Variants in GTPBP6 observed in about 807,000 individuals in gnomAD.
The protein encoded by GTPBP6 is putative GTP-binding protein 6.
In GTPBP6, 33 loss-of-function variants were observed where a neutral mutation model predicts 28.9. The observed-to-expected ratio is 1.14, with a 90% confidence interval of 0.87 to 1.53. The LOEUF is 1.53. GTPBP6 is among the 40% of genes most tolerant of loss of function. The pLI is 0.00. For synonymous variants in GTPBP6, 231 were observed against 192.7 expected, an observed-to-expected ratio of 1.20 and a Z score of -1.65; for missense variants, 507 against 408.3, an observed-to-expected ratio of 1.24 and a Z score of -2.08.
chrX:317,556 G>GGGCGGT (rs2070459893), intron 1 of GTPBP6, among the ~76,000 whole-genome samples: 3 of 85,114 alleles, frequency 3.5e-5, no homozygotes, highest in Non-Finnish European at 2.1e-5. Context: ...ATTTCCTCCT[G>GGGCGGT]GGGGGTGGGG....
intron 8 of GTPBP6, 52 bp from the exon 9 acceptor site, chrX:307,564 G>A (rs1268113949): frequency 1.1e-4 from 177 of 1,583,206 alleles, no homozygotes; most frequent in Middle Eastern, 2.3e-4. Context: ...GCGGCCGGAC[G>A]AAATCAGGGT....
At chrX:316,743 G>A (rs1178367184) in intron 2 of GTPBP6, among the ~76,000 whole-genome samples, 171 bp downstream of exon 2, 1 of 152,036 alleles carries the variant, frequency 6.6e-6, no homozygotes, top group Non-Finnish European at 1.5e-5. Context: ...AAGCCTCACC[G>A]TCCTCCGACT....
chrX:314,071 T>C (rs1366961819), intron 5 of GTPBP6, 79 bp downstream of exon 5: 11 of 1,119,554 alleles, frequency 9.8e-6, no homozygotes, highest in Non-Finnish European at 1.4e-5. Flanking sequence ...GTTGGAATCT[T>C]CCAGGGCTGA....
chrX:312,036 G>T (rs942396641), intron 6 of GTPBP6: 1 of 467,174 alleles, frequency 2.1e-6, no homozygotes, highest in African/African-American at 2.0e-5. Flanking sequence ...AGATACGGCA[G>T]TGGTGCCGGT....
rs1337770355 is a variant in GTPBP6, at chrX:305,657, G to A, written c.1428-460C>T. On this transcript the variant is annotated intron_variant, in intron 9 of 9. Transcript: ENST00000326153. ...ATTTTTTTTTTTGAGACAGAGTCTC[G>A]CTCTGTCGCCAGGCTGGGGTGCAGT... Among the ~76,000 whole-genome samples, 2 of 139,280 alleles carry A rather than the reference G, an allele frequency of 1.4e-5. 1 individual carries two copies. The highest frequency in any genetic ancestry group is 1.4e-4 in the Admixed American group (2 of 14,030). 91.4% of individuals were successfully genotyped at this position (139,280 alleles called of 152,430 possible). A position where few individuals can be genotyped will look rare whatever the true frequency, so the allele number is the denominator to read the frequency against.
At chrX:313,348 G>A (rs2070354204) in intron 5 of GTPBP6, among the ~76,000 whole-genome samples, 1 of 152,128 alleles carries the variant, frequency 6.6e-6, no homozygotes, top group Non-Finnish European at 1.5e-5. Flanking sequence ...GGTTAGGGTG[G>A]GCCCTAAGGC....
At chrX:309,191 T>C (rs1416939037) in intron 7 of GTPBP6, among the ~76,000 whole-genome samples, 8 of 152,290 alleles carry the variant, frequency 5.3e-5, no homozygotes, top group Middle Eastern at 3.4e-3. Flanking sequence ...TCTCACACCT[T>C]GTTTTCCTGC....
intron 2 of GTPBP6, among the ~76,000 whole-genome samples, chrX:316,340 G>GACACACACACAC (rs1168593634): frequency 0.073 from 6,944 of 94,698 alleles, 423 homozygotes; most frequent in Middle Eastern, 0.15. Context: ...TCCCATTGGG[G>GACACACACACAC]ACACACACAC....
At chrX:314,194 G>C (rs1311379382) in exon 5 of GTPBP6, 1 of 1,613,484 alleles carries the variant, frequency 6.2e-7, no homozygotes, top group Non-Finnish European at 8.5e-7. Context: ...GTACAGGTGG[G>C]CGACGTCCCT....
At chrX:316,558 A>T (rs2070444500) in intron 2 of GTPBP6, among the ~76,000 whole-genome samples, 1 of 152,086 alleles carries the variant, frequency 6.6e-6, no homozygotes, top group African/African-American at 2.4e-5. Flanking sequence ...ACCCTAAGAG[A>T]CTGCTGGTGG....
chrX:314,113 G>C (rs62580116), intron 5 of GTPBP6, 37 bp downstream of exon 5: 10 of 1,523,960 alleles, frequency 6.6e-6, no homozygotes, highest in Middle Eastern at 1.8e-4. Flanking sequence ...ACCGCATTCC[G>C]AGGACCCTCT....
In GTPBP6 at chrX:311,636, G is replaced by T. The variant is rs1018512423; in HGVS notation, c.917-9C>A. 1 of 1,607,542 alleles carries T rather than the reference G, an allele frequency of 6.2e-7. No homozygotes were observed. Among genetic ancestry groups the T allele is most frequent in the African/African-American group, 1.3e-5 (1 of 74,794 alleles). On this transcript the variant is annotated splice_polypyrimidine_tract_variant and intron_variant, in intron 6 of 9. Transcript: ENST00000326153. ...GATCAGCGTGGTCTTTCCTAGGAGG[G>T]CGTGGAGGTCAGGGCGCTGCAGAGA... is the stretch of plus-strand genomic sequence containing the variant.
intron 6 of GTPBP6, chrX:312,447 A>G (rs1031053575): frequency 5.3e-6 from 3 of 569,924 alleles, no homozygotes; most frequent in Admixed American, 4.4e-5. Flanking sequence ...TCTAGACAGG[A>G]GGATGGTGTA....
intron 6 of GTPBP6, chrX:311,833 GGCC>G (rs1170044920): frequency 1.6e-6 from 1 of 609,854 alleles, no homozygotes; most frequent in Admixed American, 2.8e-5. Flanking sequence ...GATGGAGCGG[GGCC>G]GCCGTGCGGA....
intron 2 of GTPBP6, among the ~76,000 whole-genome samples, chrX:316,497 A>T (rs1319013298): frequency 6.6e-6 from 1 of 152,142 alleles, no homozygotes; most frequent in African/African-American, 2.4e-5. Flanking sequence ...ACTCTACTGG[A>T]AGCGGGATGG....
intron 6 of GTPBP6, chrX:311,895 G>A (rs1005893005): frequency 3.2e-5 from 19 of 601,926 alleles, no homozygotes; most frequent in Non-Finnish European, 5.6e-5. Flanking sequence ...AGGCGTGGAT[G>A]GGAGTGAGGT....
chrX:307,612 C>T, intron 8 of GTPBP6, 100 bp from the exon 9 acceptor site: 1 of 1,450,398 alleles, frequency 6.9e-7, no homozygotes, highest in Middle Eastern at 2.5e-4. Context: ...CAGTCTGGGG[C>T]CACTCCCTGT....
At position 305,237 on chromosome X, in the gene GTPBP6, C is replaced by G. The variant is rs753373688; in HGVS notation, c.1428-40G>C. The stretch of plus-strand genomic sequence containing the variant: ...GCGTTGTATGGAGACAAGCAGAACC[C>G]GTAAGTATTTGCTTAGTTTCATGAT... On this transcript the variant is annotated intron_variant, in intron 9 of 9. Transcript: ENST00000326153. 2.1e-6 allele frequency: 3 copies of G among 1,443,626 alleles called. No individual in the cohort carries two copies. The South Asian group carries it at 3.4e-5, about 16-fold the overall frequency. The allele number at this position is 1,443,626 out of a possible 1,614,324, so 89.4% of individuals were successfully genotyped here.
chrX:317,504 C>G (rs1190507043), intron 1 of GTPBP6, among the ~76,000 whole-genome samples: 1 of 140,068 alleles, frequency 7.1e-6, no homozygotes, highest in African/African-American at 2.8e-5. Flanking sequence ...GAAAAATCAA[C>G]CTTTATGAGA....
Sources: allele counts gnomAD v4.1 joint callset (sites outside exome capture counted in the v4.1 genomes callset), GRCh38; gene constraint gnomAD v4.1.1; transcripts MANE v1.5; gene names NCBI Gene and HGNC (gene_info 2026-07-23, HGNC 2026-07-21).